BAZ1A: variants seen among roughly 807,000 people sequenced by gnomAD.
BAZ1A encodes bromodomain adjacent to zinc finger domain protein 1A.
In BAZ1A, 50 loss-of-function variants were observed where a neutral mutation model predicts 185.2. That is an observed-to-expected ratio of 0.27 (90% confidence interval 0.22 to 0.34). The LOEUF is 0.34. Ranked by LOEUF, BAZ1A falls within the 10% of genes least tolerant of loss-of-function variation. BAZ1A has a pLI of 1.00. For synonymous variants in BAZ1A, 571 were observed against 615.6 expected, an observed-to-expected ratio of 0.93 and a Z score of 1.07; for missense variants, 1,356 against 1,839.9, an observed-to-expected ratio of 0.74 and a Z score of 4.81.
At chr14:34,806,520 C>T (rs1445614784) in intron 6 of BAZ1A, among the ~76,000 whole-genome samples, 3 of 152,152 alleles carry the variant, frequency 2.0e-5, no homozygotes, top group Non-Finnish European at 2.9e-5. Flanking sequence ...GCTGGGACCA[C>T]AGGCATGAGG....
Position 34,874,522 on chromosome 14 carries a change from T to C in BAZ1A, c.83A>G (p.Lys28Arg), listed in dbSNP as rs1227972815. The C allele has an allele frequency of 6.2e-7, 1 of 1,611,816 alleles. No individual in the cohort carries two copies. The highest frequency in any genetic ancestry group is 8.5e-7 in the Non-Finnish European group (1 of 1,179,036). The change falls in exon 2 of 27, where the codon AAA becomes AGA. Residue 28 changes from lysine (K) to arginine (R), a missense_variant. By Grantham distance (26) the Lys-to-Arg change is conservative (BLOSUM62 2). Transcript: ENST00000360310. This position sits in a 1 kb window ranked among gnomAD's most constrained non-coding sequence, Gnocchi z 4.7. ...GTGGCGGAAGATCTCGTTGGTGACT[T>C]TACAGTAGAAAACTTCCTCGTCGGG... ...LRPDEEVFYCKVTNEIFRHYD... is the reference protein window; with the variant it reads ...LRPDEEVFYCRVTNEIFRHYD...
At chr14:34,755,012 T>C (rs1357060282) in intron 25 of BAZ1A, 98 bp from the exon 26 acceptor site, 9 of 712,924 alleles carry the variant, frequency 1.3e-5, no homozygotes, top group Non-Finnish European at 2.1e-5. Context: ...CAACTCAATA[T>C]GCAATTGCAA....
At chr14:34,846,339 G>A (rs559660150) in intron 3 of BAZ1A, among the ~76,000 whole-genome samples, 1 of 152,204 alleles carries the variant, frequency 6.6e-6, no homozygotes, top group South Asian at 2.1e-4. Context: ...TCAGTGTAAA[G>A]AATAAAGAAA....
chr14:34,771,322 T>A (rs557622315), intron 21 of BAZ1A, 189 bp downstream of exon 21: 5 of 587,094 alleles, frequency 8.5e-6, no homozygotes, highest in African/African-American at 3.8e-5. Flanking sequence ...TTGATGAAAC[T>A]CTTCACAAAA....
intron 3 of BAZ1A, among the ~76,000 whole-genome samples, chr14:34,839,396 C>T (rs575969235): frequency 7.2e-5 from 11 of 151,774 alleles, no homozygotes; most frequent in Non-Finnish European, 1.3e-4. Context: ...AGAATTTAGC[C>T]GGCATGGTAG....
chr14:34,789,377 T>C (rs1298541107), intron 12 of BAZ1A, among the ~76,000 whole-genome samples: 1 of 152,236 alleles, frequency 6.6e-6, no homozygotes, highest in Non-Finnish European at 1.5e-5. Context: ...TGCTAAAATA[T>C]ATTCTTTAAC....
At chr14:34,792,258 C>T (rs1348455451) in intron 12 of BAZ1A, among the ~76,000 whole-genome samples, 2 of 151,854 alleles carry the variant, frequency 1.3e-5, no homozygotes, top group African/African-American at 2.4e-5. Context: ...TGGTGGCGGG[C>T]GTCTGTATCC....
chr14:34,846,720 C>A (rs1202746056), intron 3 of BAZ1A, among the ~76,000 whole-genome samples: 1 of 152,072 alleles, frequency 6.6e-6, no homozygotes, highest in African/African-American at 2.4e-5. Context: ...GTTCAACTTG[C>A]AATGACAATC....
chr14:34,805,676 T>C (rs1881816254), intron 6 of BAZ1A, among the ~76,000 whole-genome samples: 1 of 152,216 alleles, frequency 6.6e-6, no homozygotes, highest in African/African-American at 2.4e-5. Flanking sequence ...GATACATAAA[T>C]ATGCTCACAT....
chr14:34,871,962 G>A (rs1482906957), intron 2 of BAZ1A, among the ~76,000 whole-genome samples: 1 of 152,132 alleles, frequency 6.6e-6, no homozygotes, highest in Non-Finnish European at 1.5e-5. Flanking sequence ...CCATATCCAC[G>A]TACCACAAAT....
Position 34,767,238 on chromosome 14 carries a change from TA to T in BAZ1A, c.3302-1971del, listed in dbSNP as rs1335495077. Among the ~76,000 whole-genome samples, 3 of 152,294 alleles carry T rather than the reference TA, an allele frequency of 2.0e-5. No individual in the cohort carries two copies. In the East Asian group the frequency reaches 5.8e-4, roughly 29 times the overall value. On this transcript the variant is annotated intron_variant, in intron 21 of 26. Transcript: ENST00000360310. ...TATTTGCTTCACTCTCCCTGTCAAC[TA>T]TCCAAAACTGTATCTAACGTCTAAT...
chr14:34,817,184 A>C (rs2042018839), intron 4 of BAZ1A, among the ~76,000 whole-genome samples: 1 of 152,184 alleles, frequency 6.6e-6, no homozygotes, highest in Admixed American at 6.6e-5. Context: ...CCAAGAAGTC[A>C]ATTTTTAAAT....
At chr14:34,764,268 C>T (rs1173043065) in intron 23 of BAZ1A, among the ~76,000 whole-genome samples, 2 of 149,300 alleles carry the variant, frequency 1.3e-5, no homozygotes, top group Admixed American at 6.7e-5. Context: ...GGCCACTATA[C>T]GTTAGTTTCT....
intron 3 of BAZ1A, among the ~76,000 whole-genome samples, chr14:34,836,818 A>C (rs576320334): frequency 1.8e-4 from 27 of 152,190 alleles, no homozygotes; most frequent in South Asian, 1.0e-3. Context: ...TATTCACACA[A>C]AAAGAGTGTG....
In BAZ1A at chr14:34,754,818, A is replaced by G. The variant is rs1886172225; in HGVS notation, c.4474+9T>C. The G allele has an allele frequency of 6.6e-7, 1 of 1,525,398 alleles. No individual in the cohort carries two copies. Among genetic ancestry groups the G allele is most frequent in the Non-Finnish European group, 8.9e-7 (1 of 1,120,788 alleles). The allele number at this position is 1,525,398 out of a possible 1,614,324, so 94.5% of individuals were successfully genotyped here. A position where few individuals can be genotyped will look rare whatever the true frequency, so the allele number is the denominator to read the frequency against. Reference sequence around the variant, plus strand: ...AAATAAATATCAAAGAAAAACATAAATTACTTACATGCTAATTTATATTCA... The same window carrying G: ...AAATAAATATCAAAGAAAAACATAAGTTACTTACATGCTAATTTATATTCA... On this transcript the variant is annotated intron_variant, in intron 26 of 26. Transcript: ENST00000360310.
chr14:34,753,515 C>T lies in BAZ1A; in HGVS notation c.4664G>A (p.Arg1555Gln), dbSNP rs776604953. 30 of 1,613,834 alleles carry T rather than the reference C, an allele frequency of 1.9e-5. No individual in the cohort carries two copies. Among genetic ancestry groups the T allele is most frequent in the Non-Finnish European group, 2.4e-5 (28 of 1,179,944 alleles). ...VSTPPAAKKS[R>Q]I ...TCCTTTAGAAGGACAAAGTCAGATT[C>T]GTGACTTTTTCGCAGCCGGTGGTGT... Residue 1555 changes from arginine (R) to glutamine (Q), a missense_variant, in exon 27 of 27, where the codon CGA becomes CAA. Physicochemically the swap from Arg to Gln is conservative, Grantham distance 43. Coordinates refer to ENST00000360310, the MANE Select transcript of BAZ1A (RefSeq NM_013448.3).
intron 7 of BAZ1A, among the ~76,000 whole-genome samples, chr14:34,802,566 C>A (rs1881622759): frequency 6.6e-6 from 1 of 152,198 alleles, no homozygotes; most frequent in African/African-American, 2.4e-5. Context: ...ACACTTCAAT[C>A]CCATAGTTTA....
intron 18 of BAZ1A, among the ~76,000 whole-genome samples, chr14:34,775,302 C>T (rs1194976031): frequency 1.3e-5 from 2 of 150,434 alleles, no homozygotes; most frequent in Non-Finnish European, 2.9e-5. Context: ...TTAAGCAATT[C>T]TTTTTAAAAT....
intron 12 of BAZ1A, among the ~76,000 whole-genome samples, chr14:34,791,008 G>T (rs1388450926): frequency 6.6e-6 from 1 of 152,096 alleles, no homozygotes; most frequent in East Asian, 1.9e-4. Flanking sequence ...TGTAATCCCA[G>T]CTACTCAGGA....
Sources: gnomAD v4.1 joint callset for allele counts (sites outside exome capture counted in the v4.1 genomes callset) on GRCh38, gnomAD v4.1.1 for gene constraint, Gnocchi (gnomAD v3.1) non-coding constraint, MANE v1.5 for transcripts, NCBI Gene and HGNC (gene_info 2026-07-23, HGNC 2026-07-21) for gene names.